STAT5B: variants seen among roughly 807,000 people sequenced by gnomAD.
The protein encoded by STAT5B is signal transducer and activator of transcription 5B, also known as transcription factor STAT5B.
STAT5B carries 21 observed loss-of-function variants against 107.8 expected under a neutral mutation model. The observed-to-expected ratio is 0.19, with a 90% CI of 0.14 to 0.28. STAT5B has a LOEUF of 0.28. Ranked by LOEUF, STAT5B falls within the 10% of genes least tolerant of loss-of-function variation. The pLI, the probability that STAT5B is intolerant of heterozygous loss-of-function variation, is 1.00. For synonymous variants in STAT5B, 325 were observed against 401.7 expected, an observed-to-expected ratio of 0.81 and a Z score of 2.28; for missense variants, 565 against 1,008.2, an observed-to-expected ratio of 0.56 and a Z score of 5.95.
intron 1 of STAT5B, chr17:42,275,571 A>AC (rs1275434708): frequency 1.3e-5 from 2 of 150,884 alleles, no homozygotes; most frequent in Admixed American, 6.6e-5. Context: ...CTCCATATCT[A>AC]CCCCCCGACA....
chr17:42,240,690 A>G (rs991655367), intron 1 of STAT5B, among the ~76,000 whole-genome samples: 5 of 152,372 alleles, frequency 3.3e-5, no homozygotes, highest in Admixed American at 3.3e-4. Flanking sequence ...GGGTCGGTCC[A>G]TACTACTAAG....
intron 1 of STAT5B, among the ~76,000 whole-genome samples, chr17:42,261,250 G>C (rs1232798710): frequency 3.3e-5 from 5 of 152,062 alleles, no homozygotes; most frequent in Non-Finnish European, 7.4e-5. Flanking sequence ...CATGTTTTTA[G>C]GAAGTAGAGG....
In STAT5B at chr17:42,218,327, C is replaced by G. The variant is rs59491077; in HGVS notation, c.993G>C (p.Thr331=). Residue 331 remains threonine, a synonymous_variant, in exon 9 of 19, where the codon ACG becomes ACC. Coordinates refer to ENST00000293328, the MANE Select transcript of STAT5B (RefSeq NM_012448.4). ...TDIISALVTS[T]FIIEKQPPQV... ...GAGGAGGCTGCTTCTCAATGATGAA[C>G]GTGCTGCAGGGGACACAGGGACAGA... 1 of 1,612,904 alleles carries G rather than the reference C, an allele frequency of 6.2e-7. No homozygotes were observed. Among genetic ancestry groups the G allele is most frequent in the African/African-American group, 1.3e-5 (1 of 74,694 alleles).
intron 2 of STAT5B, among the ~76,000 whole-genome samples, chr17:42,230,023 A>C (rs999016765): frequency 6.6e-6 from 1 of 152,216 alleles, no homozygotes; most frequent in African/African-American, 2.4e-5. Flanking sequence ...ATCTGAAATT[A>C]ACAGCAACTT....
At chr17:42,249,840 T>C (rs969428416) in intron 1 of STAT5B, among the ~76,000 whole-genome samples, 10 of 152,060 alleles carry the variant, frequency 6.6e-5, no homozygotes, top group African/African-American at 2.2e-4. Flanking sequence ...TTTTGTATTT[T>C]TAGTAGAAAC....
intron 15 of STAT5B, among the ~76,000 whole-genome samples, chr17:42,208,172 G>A (rs889891658): frequency 2.6e-5 from 4 of 152,056 alleles, no homozygotes; most frequent in Non-Finnish European, 4.4e-5. Context: ...GATTACAGGC[G>A]TGAGCCACCG....
chr17:42,214,595 C>T, intron 12 of STAT5B: 1 of 985,354 alleles, frequency 1.0e-6, no homozygotes, highest in Non-Finnish European at 1.2e-6. Context: ...ACAGTCAAAT[C>T]CTATATTCTA....
chr17:42,231,160 T>C (rs1340524279), intron 2 of STAT5B, among the ~76,000 whole-genome samples: 1 of 152,172 alleles, frequency 6.6e-6, no homozygotes, highest in Non-Finnish European at 1.5e-5. Context: ...ATCTGCCCCA[T>C]TAAACACTAA....
At chr17:42,210,106 A>T (rs912824473) in intron 15 of STAT5B, 65 bp downstream of exon 15, 2 of 1,612,518 alleles carry the variant, frequency 1.2e-6, no homozygotes, top group Non-Finnish European at 1.7e-6. Flanking sequence ...CCACTAAATT[A>T]TTTGTTAAAA....
the STAT5B span, among the ~76,000 whole-genome samples, chr17:42,287,331 C>CCCCCG: frequency 1.3e-5 from 1 of 78,204 alleles, no homozygotes; most frequent in Admixed American, 9.9e-5. Context: ...TGAGAATGCA[C>CCCCCG]CCCCCCCAAC....
intron 1 of STAT5B, among the ~76,000 whole-genome samples, chr17:42,248,644 T>G (rs1246497730): frequency 2.0e-5 from 3 of 152,212 alleles, no homozygotes; most frequent in African/African-American, 7.2e-5. Flanking sequence ...ACACAACAGA[T>G]GCACTGAAAG....
At chr17:42,216,169 T>C (rs2080170412) in intron 11 of STAT5B, 63 bp from the exon 12 acceptor site, 11 of 1,419,944 alleles carry the variant, frequency 7.7e-6, no homozygotes, top group Non-Finnish European at 1.1e-5. Flanking sequence ...TTCTCTCTTT[T>C]TTTTTTTTCT....
intron 8 of STAT5B, 112 bp downstream of exon 8, chr17:42,218,611 G>A: frequency 6.3e-7 from 1 of 1,582,614 alleles, no homozygotes; most frequent in South Asian, 1.1e-5. Flanking sequence ...ATGGAGTTGG[G>A]AGGGATGAGA....
chr17:42,258,004 T>C (rs944549847), intron 1 of STAT5B, among the ~76,000 whole-genome samples: 1 of 152,220 alleles, frequency 6.6e-6, no homozygotes, highest in African/African-American at 2.4e-5. Context: ...AATGACTCCT[T>C]AGAGCATAAC....
intron 3 of STAT5B, among the ~76,000 whole-genome samples, 177 bp from the exon 4 acceptor site, chr17:42,225,045 G>A (rs1428145361): frequency 6.6e-6 from 1 of 152,004 alleles, no homozygotes; most frequent in African/African-American, 2.4e-5. Context: ...GAAAAGGTAA[G>A]ATTGTTTTAC....
chr17:42,279,516 A>G (rs8079317), upstream of STAT5B, among the ~76,000 whole-genome samples: 56,354 of 151,902 alleles, frequency 0.37, 11,994 homozygotes, highest in African/African-American at 0.59. Flanking sequence ...GGCCGGGCGC[A>G]GTGGCTCACG....
chr17:42,224,273 G>T (rs1222291899), intron 4 of STAT5B, among the ~76,000 whole-genome samples: 1 of 151,986 alleles, frequency 6.6e-6, no homozygotes, highest in Non-Finnish European at 1.5e-5. Flanking sequence ...CTTTGCACTT[G>T]TTCACATTGT....
intron 12 of STAT5B, among the ~76,000 whole-genome samples, chr17:42,215,314 A>T (rs980217446): frequency 6.6e-6 from 1 of 152,188 alleles, no homozygotes; most frequent in Non-Finnish European, 1.5e-5. Flanking sequence ...CCCAAATCCC[A>T]TTCATAGTTT....
At chr17:42,284,513 C>T in the STAT5B span, among the ~76,000 whole-genome samples, 4 of 152,276 alleles carry the variant, frequency 2.6e-5, no homozygotes, top group South Asian at 4.1e-4. Flanking sequence ...GTGATGCACC[C>T]GCCTCAGCCT....
Sources: allele counts gnomAD v4.1 joint callset (sites outside exome capture counted in the v4.1 genomes callset), GRCh38; gene constraint gnomAD v4.1.1; transcripts MANE v1.5; gene names NCBI Gene and HGNC (gene_info 2026-07-23, HGNC 2026-07-21).